Variants in PTPRD observed in about 807,000 individuals in gnomAD.
The protein encoded by PTPRD is receptor-type tyrosine-protein phosphatase delta.
A neutral mutation model predicts 214.5 loss-of-function variants in PTPRD; 34 were observed. That is an observed-to-expected ratio of 0.16 (90% confidence interval 0.12 to 0.21). The LOEUF (loss-of-function observed/expected upper bound fraction) is 0.21. Among genes scored for constraint, PTPRD ranks in the 10% least tolerant of loss-of-function variants. PTPRD has a pLI of 1.00. For synonymous variants in PTPRD, 1,128 were observed against 845.7 expected (o/e 1.33, Z -5.79); for missense variants, 2,545 against 2,398.7 (o/e 1.06, Z -1.27).
chr9:8,884,630 G>A (rs1300501822), intron 11 of PTPRD, among the ~76,000 whole-genome samples: 1 of 152,168 alleles, frequency 6.6e-6, no homozygotes, highest in East Asian at 1.9e-4. Context: ...TTCTGGAAAG[G>A]AAATATAGCT....
chr9:8,647,167 T>A (rs2096713111), intron 12 of PTPRD, among the ~76,000 whole-genome samples: 2 of 152,224 alleles, frequency 1.3e-5, no homozygotes, highest in Admixed American at 6.5e-5. Context: ...TATAACGTGA[T>A]GAGTCTTTTC....
intron 2 of PTPRD, among the ~76,000 whole-genome samples, chr9:10,419,368 G>C (rs919709461): frequency 9.9e-5 from 15 of 151,692 alleles, no homozygotes; most frequent in African/African-American, 3.6e-4. Flanking sequence ...TACATTATCA[G>C]GGCTATAAAA....
intron 22 of PTPRD, 68 bp from the exon 23 acceptor site, chr9:8,504,473 C>A: frequency 1.3e-6 from 2 of 1,531,874 alleles, no homozygotes; most frequent in South Asian, 2.3e-5. Context: ...ATCATACTGT[C>A]TGGACCATCA....
chr9:9,891,349 A>G (rs1279991329), intron 5 of PTPRD, among the ~76,000 whole-genome samples: 1 of 152,078 alleles, frequency 6.6e-6, no homozygotes, highest in Non-Finnish European at 1.5e-5. Context: ...TTTGAAAGTA[A>G]TAAATGGCAT....
At chr9:9,508,398 A>G (rs942485324) in intron 8 of PTPRD, among the ~76,000 whole-genome samples, 2 of 151,612 alleles carry the variant, frequency 1.3e-5, no homozygotes, top group African/African-American at 4.8e-5. Context: ...TAGAAATTAC[A>G]TGGCTATTTT....
chr9:10,149,578 T>G (rs1256837656), intron 3 of PTPRD, among the ~76,000 whole-genome samples: 1 of 152,284 alleles, frequency 6.6e-6, no homozygotes, highest in East Asian at 1.9e-4. Context: ...CTAGTCCCCA[T>G]GACTGTTGGA....
chr9:9,464,781 A>G (rs968810123), intron 8 of PTPRD, among the ~76,000 whole-genome samples: 2 of 152,054 alleles, frequency 1.3e-5, no homozygotes, highest in Non-Finnish European at 2.9e-5. Flanking sequence ...TTCTTCCTTA[A>G]CCATGATTAT....
intron 6 of PTPRD, among the ~76,000 whole-genome samples, chr9:9,740,397 G>A (rs1466446105): frequency 6.8e-6 from 1 of 148,006 alleles, no homozygotes; most frequent in Non-Finnish European, 1.5e-5. Flanking sequence ...TCGCTCTGTC[G>A]CCCAGGCTGG....
intron 8 of PTPRD, among the ~76,000 whole-genome samples, chr9:9,428,054 C>A (rs199655825): frequency 1.3e-4 from 20 of 151,966 alleles, no homozygotes; most frequent in East Asian, 3.9e-4. Flanking sequence ...TCAAATTCAC[C>A]CATAACAATA....
At chr9:8,535,110 G>T (rs1369777496) in intron 14 of PTPRD, among the ~76,000 whole-genome samples, 1 of 151,800 alleles carries the variant, frequency 6.6e-6, no homozygotes, top group Non-Finnish European at 1.5e-5. Flanking sequence ...CAGGAAGATT[G>T]AATTAGATGA....
intron 11 of PTPRD, among the ~76,000 whole-genome samples, chr9:8,877,836 C>T (rs941726264): frequency 2.0e-5 from 3 of 152,168 alleles, no homozygotes; most frequent in Non-Finnish European, 4.4e-5. Context: ...TGAGGCTCTT[C>T]TCAGACAATC....
chr9:9,885,302 T>C (rs575665965), intron 5 of PTPRD, among the ~76,000 whole-genome samples: 15 of 152,076 alleles, frequency 9.9e-5, no homozygotes, highest in Non-Finnish European at 1.6e-4. Context: ...CAAAGTAAGA[T>C]AAGGCCAACG....
intron 2 of PTPRD, among the ~76,000 whole-genome samples, chr9:10,599,862 C>T (rs2133305593): frequency 6.6e-6 from 1 of 151,848 alleles, no homozygotes; most frequent in Middle Eastern, 3.4e-3. Context: ...CCAGTTATTT[C>T]AATCTCCCCA....
At chr9:9,650,089 T>C (rs912302615) in intron 7 of PTPRD, among the ~76,000 whole-genome samples, 1 of 152,106 alleles carries the variant, frequency 6.6e-6, no homozygotes, top group Non-Finnish European at 1.5e-5. Flanking sequence ...GGGAGGTGAC[T>C]GGATCATGGG....
chr9:9,554,613 G>A (rs893203123), intron 8 of PTPRD, among the ~76,000 whole-genome samples: 2 of 151,960 alleles, frequency 1.3e-5, no homozygotes, highest in African/African-American at 2.4e-5. Context: ...GTCGTTGTTT[G>A]GCACCTGAAG....
intron 6 of PTPRD, among the ~76,000 whole-genome samples, chr9:9,761,478 G>A (rs1258752986): frequency 1.3e-5 from 2 of 152,128 alleles, no homozygotes; most frequent in Non-Finnish European, 2.9e-5. Flanking sequence ...TGTCTTGACT[G>A]TGGGGTAGGA....
intron 12 of PTPRD, among the ~76,000 whole-genome samples, chr9:8,653,345 C>T (rs2096849953): frequency 6.6e-6 from 1 of 152,112 alleles, no homozygotes; most frequent in Non-Finnish European, 1.5e-5. Context: ...TGCAAAACAA[C>T]ACAGTTATAC....
At chr9:9,530,375 T>C (rs186837365) in intron 8 of PTPRD, among the ~76,000 whole-genome samples, 1 of 151,838 alleles carries the variant, frequency 6.6e-6, no homozygotes, top group Non-Finnish European at 1.5e-5. Flanking sequence ...CACTAAGAAA[T>C]TGGAACACAT....
chr9:8,335,913 A>C (rs1307082251), intron 43 of PTPRD, among the ~76,000 whole-genome samples: 1 of 152,208 alleles, frequency 6.6e-6, no homozygotes, highest in Admixed American at 6.5e-5. Flanking sequence ...TAGGCATGTG[A>C]AGGACCTCTT....
Sources: allele counts gnomAD v4.1 joint callset (sites outside exome capture counted in the v4.1 genomes callset), GRCh38; gene constraint gnomAD v4.1.1; transcripts MANE v1.5; gene names NCBI Gene and HGNC (gene_info 2026-07-23, HGNC 2026-07-21).